The following PDE3A variants were observed in gnomAD, a reference collection of about 807,000 sequenced individuals.
PDE3A encodes the protein phosphodiesterase 3A, also known as cGMP-inhibited 3',5'-cyclic phosphodiesterase 3A.
A neutral mutation model predicts 98.3 loss-of-function variants in PDE3A; 43 were observed. The ratio of observed to expected loss-of-function variants is 0.44; its 90% CI spans 0.34 to 0.56. PDE3A has a LOEUF of 0.56. PDE3A is among the 20% of genes least tolerant of loss of function. The pLI is 0.01. For synonymous variants in PDE3A, 663 were observed against 567.9 expected (o/e 1.17, Z -2.38); for missense variants, 1,427 against 1,440.7 (o/e 0.99, Z 0.15).
intron 2 of PDE3A, among the ~76,000 whole-genome samples, chr12:20,596,235 A>G (rs1397537946): frequency 1.3e-5 from 2 of 152,186 alleles, no homozygotes; most frequent in Admixed American, 1.3e-4. Context: ...GTGACTCACT[A>G]TTATGACCAA....
intron 2 of PDE3A, among the ~76,000 whole-genome samples, chr12:20,558,556 A>G (rs1421738919): frequency 1.3e-5 from 2 of 151,922 alleles, no homozygotes; most frequent in Admixed American, 1.3e-4. Context: ...ACAACACACC[A>G]AAAGATAAGA....
intron 1 of PDE3A, among the ~76,000 whole-genome samples, chr12:20,385,448 G>C (rs927231472): frequency 1.8e-4 from 27 of 152,012 alleles, no homozygotes; most frequent in African/African-American, 4.1e-4. Flanking sequence ...GGTATATACC[G>C]AAAGGATTAT....
chr12:20,646,748 CA>C lies in PDE3A; in HGVS notation c.2366-2del, dbSNP rs1474389352. 6.3e-7 allele frequency: 1 copy of C among 1,590,480 alleles called. No homozygotes were observed. The highest frequency in any genetic ancestry group is 8.6e-7 in the Non-Finnish European group (1 of 1,159,006). On this transcript the variant is annotated splice_acceptor_variant, in intron 11 of 15. Coordinates refer to ENST00000359062, the MANE Select transcript of PDE3A (RefSeq NM_000921.5). LOFTEE classifies it high-confidence loss of function. ...TTCTTTGACTCTCATTTTCTCTTCTCAGATTCTGACAGTGGATTTACACATG... is the reference window on the plus strand; with the variant it reads ...TTCTTTGACTCTCATTTTCTCTTCTCGATTCTGACAGTGGATTTACACATG...
At chr12:20,443,108 A>G (rs1190886569) in intron 1 of PDE3A, among the ~76,000 whole-genome samples, 1 of 152,024 alleles carries the variant, frequency 6.6e-6, no homozygotes, top group Non-Finnish European at 1.5e-5. Context: ...ATATACATAT[A>G]CAAATGTAAA....
At chr12:20,667,675 G>C (rs1337277625) in intron 15 of PDE3A, among the ~76,000 whole-genome samples, 3 of 152,064 alleles carry the variant, frequency 2.0e-5, no homozygotes, top group Non-Finnish European at 4.4e-5. Context: ...CTATACCCTT[G>C]AAGCATATTT....
chr12:20,661,021 T>A (rs1945157149), intron 15 of PDE3A, among the ~76,000 whole-genome samples: 1 of 152,174 alleles, frequency 6.6e-6, no homozygotes, highest in Admixed American at 6.5e-5. Context: ...TAGAGACTTG[T>A]TGAATGGCTT....
chr12:20,384,930 G>T (rs984159490), intron 1 of PDE3A, among the ~76,000 whole-genome samples: 1 of 151,868 alleles, frequency 6.6e-6, no homozygotes, highest in Non-Finnish European at 1.5e-5. Flanking sequence ...CTAGTCTATC[G>T]TTGATGGGCA....
At position 20,667,368 on chromosome 12, in the gene PDE3A, A is replaced by T. The variant is rs373732564; in HGVS notation, c.3185-12662A>T. ...CTTTGCTTAGGTCAATGTCCTATAGAACTTCCCTTATGTTGTCTTCTAACA... is the reference window on the plus strand; with the variant it reads ...CTTTGCTTAGGTCAATGTCCTATAGTACTTCCCTTATGTTGTCTTCTAACA... On this transcript the variant is annotated intron_variant, in intron 15 of 15. Transcript: ENST00000359062. Among the ~76,000 whole-genome samples, 17 of 152,276 alleles carry T rather than the reference A, an allele frequency of 1.1e-4. No homozygotes were observed. In the East Asian group the frequency reaches 3.3e-3, roughly 29 times the overall value.
In PDE3A at chr12:20,672,145, G is replaced by C. The variant is rs558742337; in HGVS notation, c.3185-7885G>C. On this transcript the variant is annotated intron_variant, in intron 15 of 15. Transcript: ENST00000359062. Reference sequence around the variant, plus strand: ...CCTAGGAATCCAACTTACAAGGGATGTGAAGGACCTCTTCAAGGAGAACTA... The same window carrying C: ...CCTAGGAATCCAACTTACAAGGGATCTGAAGGACCTCTTCAAGGAGAACTA... Among the ~76,000 whole-genome samples the C allele has an allele frequency of 1.7e-3, 256 of 149,670 alleles. 1 individual carries two copies. Among genetic ancestry groups the C allele is most frequent in the Non-Finnish European group, 1.4e-3 (92 of 66,898 alleles).
At chr12:20,386,229 A>G (rs11045201) in intron 1 of PDE3A, among the ~76,000 whole-genome samples, 1 of 108,524 alleles carries the variant, frequency 9.2e-6, no homozygotes, top group Non-Finnish European at 1.7e-5. Flanking sequence ...ATAAAAAATA[A>G]AAATATAAAT....
intron 1 of PDE3A, among the ~76,000 whole-genome samples, chr12:20,391,371 A>C (rs1943910841): frequency 1.6e-5 from 2 of 128,766 alleles, no homozygotes; most frequent in African/African-American, 6.2e-5. Flanking sequence ...ATATTCTCAT[A>C]TATATATATA....
intron 1 of PDE3A, among the ~76,000 whole-genome samples, chr12:20,479,544 G>A (rs1484325582): frequency 1.3e-5 from 2 of 152,176 alleles, no homozygotes; most frequent in African/African-American, 4.8e-5. Flanking sequence ...CCCTTCTTGT[G>A]AGTTAAAAGG....
chr12:20,656,089 C>A (rs930810527), intron 15 of PDE3A, among the ~76,000 whole-genome samples: 16 of 152,146 alleles, frequency 1.1e-4, no homozygotes, highest in African/African-American at 3.6e-4. Flanking sequence ...ATGACCCTTG[C>A]AATGATATTG....
Position 20,681,434 on chromosome 12 carries a change from G to A in PDE3A, c.*1163G>A, listed in dbSNP as rs1280908190. 6.6e-6 allele frequency: 1 copy of A among 152,170 alleles called. No homozygotes were observed. Among genetic ancestry groups the A allele is most frequent in the Non-Finnish European group, 1.5e-5 (1 of 68,022 alleles). 9.4% of individuals were successfully genotyped at this position (152,170 alleles called of 1,614,324 possible). ...AATTTGCTGCAAAATATGTGGTAGA[G>A]AAAGAAAAGGAAACAGAAAAATCAC... On this transcript the variant is annotated 3_prime_UTR_variant, in exon 16 of 16. Coordinates refer to ENST00000359062, the MANE Select transcript of PDE3A (RefSeq NM_000921.5).
intron 4 of PDE3A, among the ~76,000 whole-genome samples, chr12:20,618,234 TA>T (rs772862855): frequency 1.2e-4 from 19 of 152,138 alleles, no homozygotes; most frequent in Admixed American, 2.6e-4. Flanking sequence ...AAACTATTTA[TA>T]AGTAAGTGGC....
In PDE3A at chr12:20,369,180, A is replaced by AGCGT. The variant is rs71039938; in HGVS notation, c.-95_-92dup. ...GGATTCCGAGGGTGGAATTGGGAAGAGCGTGCGTGCGTGTGTGTGTGTGTG... is the reference window on the plus strand; with the variant it reads ...GGATTCCGAGGGTGGAATTGGGAAGAGCGTGCGTGCGTGCGTGTGTGTGTGTGTG... On this transcript the variant is annotated 5_prime_UTR_variant, in exon 1 of 16. Transcript: ENST00000359062. 131,184 of 619,776 alleles carry AGCGT rather than the reference A, an allele frequency of 0.21. 7,682 individuals carry two copies. The highest frequency in any genetic ancestry group is 0.25 in the Middle Eastern group (580 of 2,276). The allele number at this position is 619,776 out of a possible 1,614,324, so 38.4% of individuals were successfully genotyped here.
chr12:20,453,710 A>T (rs1328769939), intron 1 of PDE3A, among the ~76,000 whole-genome samples: 4 of 152,214 alleles, frequency 2.6e-5, no homozygotes, highest in Non-Finnish European at 5.9e-5. Flanking sequence ...TTGTTGACAC[A>T]TTGATAATCC....
At chr12:20,566,496 C>T (rs564486741) in intron 2 of PDE3A, among the ~76,000 whole-genome samples, 3 of 150,824 alleles carry the variant, frequency 2.0e-5, no homozygotes, top group South Asian at 2.1e-4. Context: ...ATAGTATCAG[C>T]GATACACACT....
At chr12:20,475,035 C>A (rs1394035103) in intron 1 of PDE3A, among the ~76,000 whole-genome samples, 2 of 151,950 alleles carry the variant, frequency 1.3e-5, no homozygotes, top group Admixed American at 6.6e-5. Context: ...CAGATTAGCC[C>A]AATTTTGTAA....
Sources: gnomAD v4.1 joint callset for allele counts (sites outside exome capture counted in the v4.1 genomes callset) on GRCh38, gnomAD v4.1.1 for gene constraint, MANE v1.5 for transcripts, NCBI Gene and HGNC (gene_info 2026-07-23, HGNC 2026-07-21) for gene names.